KANSL1: variants seen among roughly 807,000 people sequenced by gnomAD.
KANSL1 encodes MLL1/MLL complex subunit KANSL1.
A neutral mutation model predicts 103.6 loss-of-function variants in KANSL1; 22 were observed. That is an observed-to-expected ratio of 0.21 (90% CI 0.15 to 0.30). KANSL1 has a LOEUF of 0.30. Among genes scored for constraint, KANSL1 ranks in the 10% least tolerant of loss-of-function variants. The pLI is 1.00. For synonymous variants in KANSL1, 600 were observed against 527.6 expected, an observed-to-expected ratio of 1.14 and a Z score of -1.88; for missense variants, 1,337 against 1,399.8, an observed-to-expected ratio of 0.96 and a Z score of 0.72.
chr17:46,193,668 A>C (rs2147942257), upstream of KANSL1: 1 of 310,270 alleles, frequency 3.2e-6, no homozygotes, highest in South Asian at 2.2e-5. Context: ...GCCCGGCCCC[A>C]GCTGCCCCGG....
intron 2 of KANSL1, among the ~76,000 whole-genome samples, chr17:46,098,552 T>C (rs1032054704): frequency 7.9e-5 from 12 of 152,228 alleles, no homozygotes; most frequent in African/African-American, 2.9e-4. Context: ...TTAATGAAGG[T>C]CTTATGTCCC....
At chr17:46,150,927 C>CAAA (rs67160662) in intron 2 of KANSL1, among the ~76,000 whole-genome samples, 9 of 134,492 alleles carry the variant, frequency 6.7e-5, no homozygotes, top group Non-Finnish European at 7.9e-5. Flanking sequence ...CCTATTCTGT[C>CAAA]AAAAAAAAAA....
At chr17:46,197,017 G>A (rs897837790), upstream of KANSL1, among the ~76,000 whole-genome samples, 1 of 152,094 alleles carries the variant, frequency 6.6e-6, no homozygotes, top group African/African-American at 2.4e-5. Context: ...CAGAGGCTCA[G>A]GCAGGAGGAT....
chr17:46,080,473 A>C (rs1039536330), intron 4 of KANSL1, among the ~76,000 whole-genome samples: 1 of 152,104 alleles, frequency 6.6e-6, no homozygotes. Flanking sequence ...AAACTGAGAA[A>C]AGTCACTTTC....
In KANSL1 at chr17:46,038,621, T is replaced by G; in HGVS notation, c.2458A>C (p.Ser820Arg). The G allele has an allele frequency of 6.2e-7, 1 of 1,614,122 alleles. No individual in the cohort carries two copies. Among genetic ancestry groups the G allele is most frequent in the Non-Finnish European group, 8.5e-7 (1 of 1,180,024 alleles). Reference protein sequence around the residue: ...YLAATHHPPHSPLVRQLSTSS... With the variant: ...YLAATHHPPHRPLVRQLSTSS... Reference sequence around the variant, plus strand: ...GTGGAGAGCTGTCGCACCAAGGGACTGTGTGGAGGATGGTGGGTGGCTGCC... The same window carrying G: ...GTGGAGAGCTGTCGCACCAAGGGACGGTGTGGAGGATGGTGGGTGGCTGCC... Residue 820 changes from serine (S) to arginine (R), a missense_variant, in exon 10 of 15, where the codon AGT (serine) becomes CGT (arginine). By Grantham distance (110) the Ser-to-Arg change is moderately radical (BLOSUM62 -1). Transcript: ENST00000432791.
chr17:46,216,264 GA>G (rs1320259722), intron 1 of KANSL1, among the ~76,000 whole-genome samples: 11 of 152,304 alleles, frequency 7.2e-5, no homozygotes, highest in Middle Eastern at 3.4e-3. Flanking sequence ...AGGGTCAAGG[GA>G]AGGCAAATAC....
chr17:46,103,078 T>C (rs536843717), intron 2 of KANSL1, among the ~76,000 whole-genome samples: 3 of 152,176 alleles, frequency 2.0e-5, no homozygotes, highest in Non-Finnish European at 4.4e-5. Context: ...TGGTTAGAAC[T>C]CCAACAGTGA....
intron 3 of KANSL1, among the ~76,000 whole-genome samples, chr17:46,087,391 T>A (rs1342954306): frequency 6.6e-6 from 1 of 152,012 alleles, no homozygotes; most frequent in Non-Finnish European, 1.5e-5. Flanking sequence ...CCAAAAAGGA[T>A]GAAAACAGCT....
At chr17:46,161,250 TAAAAAAAAAAAA>T (rs534754110) in intron 2 of KANSL1, among the ~76,000 whole-genome samples, 4 of 79,396 alleles carry the variant, frequency 5.0e-5, no homozygotes, top group Admixed American at 1.3e-4. Context: ...CCACCTCTAC[TAAAAAAAAAAAA>T]AAAAAAAAAA....
In KANSL1 at chr17:46,058,743, ACTCT is replaced by A. The variant is rs756932556; in HGVS notation, c.1848+7790_1848+7793del. Among the ~76,000 whole-genome samples the A allele has an allele frequency of 9.3e-3, 633 of 67,840 alleles. 2 individuals are homozygous for A. Among genetic ancestry groups the A allele is most frequent in the African/African-American group, 0.013 (265 of 20,002 alleles). 44.5% of individuals were successfully genotyped at this position (67,840 alleles called of 152,430 possible). On this transcript the variant is annotated intron_variant, in intron 6 of 14. Transcript: ENST00000432791. Reference sequence around the variant, plus strand: ...CACACACACACACACACACACACACACTCTCTCTCTCTCTCTCTCTCTCTCTCTC... The same window carrying A: ...CACACACACACACACACACACACACACTCTCTCTCTCTCTCTCTCTCTCTC...
chr17:46,199,203 C>G (rs527789060), intron 1 of KANSL1, among the ~76,000 whole-genome samples: 1 of 152,222 alleles, frequency 6.6e-6, no homozygotes, highest in African/African-American at 2.4e-5. Context: ...ATTGCCAAAG[C>G]GTCAAAGCTG....
chr17:46,173,286 A>G (rs995224709), intron 1 of KANSL1, among the ~76,000 whole-genome samples: 7 of 151,778 alleles, frequency 4.6e-5, no homozygotes, highest in African/African-American at 1.7e-4. Context: ...TCTGAGCTGC[A>G]CTAATCAAGA....
chr17:46,036,548 A>G (rs2077155670), intron 10 of KANSL1, among the ~76,000 whole-genome samples: 1 of 152,212 alleles, frequency 6.6e-6, no homozygotes, highest in African/African-American at 2.4e-5. Context: ...TCTGGAGATG[A>G]TTTAAAGTAT....
At chr17:46,100,594 A>G (rs1390419556) in intron 2 of KANSL1, among the ~76,000 whole-genome samples, 1 of 152,230 alleles carries the variant, frequency 6.6e-6, no homozygotes, top group Non-Finnish European at 1.5e-5. Context: ...TTAATAGTCA[A>G]TGGGTTTAAA....
chr17:46,074,183 G>GA (rs1253305656), intron 4 of KANSL1, among the ~76,000 whole-genome samples: 1 of 152,110 alleles, frequency 6.6e-6, no homozygotes, highest in Non-Finnish European at 1.5e-5. Context: ...TCTAGTATTA[G>GA]AAAGTATTTC....
At chr17:46,154,756 TG>T (rs1255122979) in intron 2 of KANSL1, among the ~76,000 whole-genome samples, 2 of 152,160 alleles carry the variant, frequency 1.3e-5, no homozygotes, top group Admixed American at 6.5e-5. Context: ...GAGGGTGTGG[TG>T]GGGGGAAGGA....
At chr17:46,091,814 T>TATGTATGTATGTATGTATGTAGGTATGC (rs2079402326) in intron 3 of KANSL1, among the ~76,000 whole-genome samples, 1 of 151,890 alleles carries the variant, frequency 6.6e-6, no homozygotes, top group Non-Finnish European at 1.5e-5. Context: ...TATATGTAAG[T>TATGTATGTATGTATGTATGTAGGTATGC]ATGTATGTAT....
chr17:46,051,700 G>A (rs111990536), intron 6 of KANSL1, among the ~76,000 whole-genome samples: 116 of 152,306 alleles, frequency 7.6e-4, no homozygotes, highest in African/African-American at 2.7e-3. Context: ...AGGCATCCTA[G>A]GTGCAAGCTC....
At chr17:46,209,474 C>T (rs1381579575) in intron 1 of KANSL1, among the ~76,000 whole-genome samples, 2 of 152,110 alleles carry the variant, frequency 1.3e-5, no homozygotes, top group Non-Finnish European at 2.9e-5. Flanking sequence ...CATGAAGACC[C>T]AAAATAGTCT....
Sources: gnomAD v4.1 joint callset for allele counts (sites outside exome capture counted in the v4.1 genomes callset) on GRCh38, gnomAD v4.1.1 for gene constraint, MANE v1.5 for transcripts, NCBI Gene and HGNC (gene_info 2026-07-23, HGNC 2026-07-21) for gene names.